CSMD1: variants seen among roughly 807,000 people sequenced by gnomAD.
CSMD1 encodes CUB and sushi domain-containing protein 1.
A neutral mutation model predicts 417.5 loss-of-function variants in CSMD1; 213 were observed. The observed-to-expected ratio is 0.51, with a 90% confidence interval of 0.46 to 0.57. The LOEUF (loss-of-function observed/expected upper bound fraction) is 0.57. Among genes scored for constraint, CSMD1 ranks in the 20% least tolerant of loss-of-function variants. The pLI, the probability that CSMD1 is intolerant of heterozygous loss-of-function variation, is 0.00. For missense variants in CSMD1, 6,923 were observed against 4,529.7 expected (o/e 1.53, Z -15.17); for synonymous variants, 2,862 against 1,736.8 (o/e 1.65, Z -16.11).
chr8:4,555,618 G>C (rs1425054193), intron 2 of CSMD1, among the ~76,000 whole-genome samples: 1 of 152,146 alleles, frequency 6.6e-6, no homozygotes, highest in Non-Finnish European at 1.5e-5. Context: ...TCTCTATGGA[G>C]TGTTTTAATT....
chr8:3,255,335 C>T (rs1485332835), intron 26 of CSMD1, among the ~76,000 whole-genome samples: 1 of 152,168 alleles, frequency 6.6e-6, no homozygotes, highest in Non-Finnish European at 1.5e-5. Flanking sequence ...CTTGAGGAGG[C>T]AGTCTGTCCA....
chr8:4,225,146 T>C (rs1348376269), intron 3 of CSMD1, among the ~76,000 whole-genome samples: 1 of 152,148 alleles, frequency 6.6e-6, no homozygotes. Flanking sequence ...ATTTTATTTG[T>C]TCATGTCAGG....
At chr8:3,589,346 A>T (rs1057149304) in intron 8 of CSMD1, among the ~76,000 whole-genome samples, 2 of 151,644 alleles carry the variant, frequency 1.3e-5, no homozygotes, top group African/African-American at 4.8e-5. Context: ...GCAGGGGTCC[A>T]ACACTGGACT....
At chr8:2,955,284 C>G (rs1016453364) in intron 64 of CSMD1, among the ~76,000 whole-genome samples, 1 of 152,196 alleles carries the variant, frequency 6.6e-6, no homozygotes, top group Non-Finnish European at 1.5e-5. Flanking sequence ...CCTTTTAACT[C>G]AGAATGCTTT....
intron 41 of CSMD1, among the ~76,000 whole-genome samples, chr8:3,121,973 C>T (rs1434460783): frequency 1.3e-5 from 2 of 152,032 alleles, no homozygotes; most frequent in African/African-American, 4.8e-5. Context: ...AGAGAATTAG[C>T]TGTATTTTAG....
chr8:4,206,768 A>G (rs1366543176), intron 3 of CSMD1, among the ~76,000 whole-genome samples: 1 of 152,162 alleles, frequency 6.6e-6, no homozygotes. Context: ...AAACCATATC[A>G]TTTCTTTAAA....
intron 10 of CSMD1, among the ~76,000 whole-genome samples, chr8:3,537,173 T>C (rs1001548388): frequency 2.6e-5 from 4 of 151,912 alleles, no homozygotes; most frequent in African/African-American, 7.3e-5. Flanking sequence ...CCAGCTAATT[T>C]GTTGTATTTT....
intron 2 of CSMD1, among the ~76,000 whole-genome samples, chr8:4,627,026 T>C (rs1802158952): frequency 1.3e-5 from 2 of 152,326 alleles, no homozygotes; most frequent in South Asian, 4.1e-4. Flanking sequence ...AGTAATATTA[T>C]ATTCCTTTTT....
At chr8:3,595,371 C>A (rs1038184792) in intron 8 of CSMD1, among the ~76,000 whole-genome samples, 1 of 152,200 alleles carries the variant, frequency 6.6e-6, no homozygotes. Flanking sequence ...TTGACTTTCA[C>A]ACATAATGTG....
intron 3 of CSMD1, among the ~76,000 whole-genome samples, chr8:4,120,675 G>A (rs1282995761): frequency 2.6e-5 from 4 of 152,222 alleles, no homozygotes; most frequent in Non-Finnish European, 4.4e-5. Flanking sequence ...GACTTTTAAA[G>A]AAGTAAGTTT....
At chr8:4,315,568 C>T (rs780761716) in intron 3 of CSMD1, among the ~76,000 whole-genome samples, 1 of 152,126 alleles carries the variant, frequency 6.6e-6, no homozygotes, top group African/African-American at 2.4e-5. Flanking sequence ...TTAAGGAGAA[C>T]CAATCTTCCA....
chr8:3,615,578 T>C (rs1451048108), intron 8 of CSMD1, among the ~76,000 whole-genome samples: 2 of 152,206 alleles, frequency 1.3e-5, no homozygotes, highest in South Asian at 2.1e-4. Flanking sequence ...TAAAACAATA[T>C]ACCATTTTAC....
chr8:3,349,730 A>G (rs1360414553), intron 21 of CSMD1, among the ~76,000 whole-genome samples: 1 of 147,540 alleles, frequency 6.8e-6, no homozygotes, highest in East Asian at 1.9e-4. Flanking sequence ...GTATATATCT[A>G]TAATATATAA....
At chr8:3,991,288 T>G (rs945457874) in intron 5 of CSMD1, among the ~76,000 whole-genome samples, 1 of 152,196 alleles carries the variant, frequency 6.6e-6, no homozygotes, top group African/African-American at 2.4e-5. Context: ...TTCGCATTAT[T>G]TGCCTATTGA....
In CSMD1 at chr8:3,746,673, A is replaced by G. The variant is rs139940287; in HGVS notation, c.931+7257T>C. Among the ~76,000 whole-genome samples the G allele has an allele frequency of 2.1e-3, 320 of 152,356 alleles. 1 individual carries two copies. The highest frequency in any genetic ancestry group is 7.1e-3 in the African/African-American group (296 of 41,586). On this transcript the variant is annotated intron_variant, in intron 6 of 69. Transcript: ENST00000635120. ...TTATTCTCTTGTTTCAACATTAGTA[A>G]GAAATTATCCCCAATATCTACTCAA...
At chr8:3,513,545 C>G (rs972476471) in intron 10 of CSMD1, among the ~76,000 whole-genome samples, 1 of 152,106 alleles carries the variant, frequency 6.6e-6, no homozygotes, top group Non-Finnish European at 1.5e-5. Flanking sequence ...ATACACCTAT[C>G]CTGTTAGTTC....
chr8:3,960,701 GAT>G lies in CSMD1; in HGVS notation c.818+37200_818+37201del, dbSNP rs772427995. On this transcript the variant is annotated intron_variant, in intron 5 of 69. Coordinates refer to ENST00000635120, the MANE Select transcript of CSMD1 (RefSeq NM_033225.6). ...CTTTTTATAAAGATAAATTTAATAA[GAT>G]ATATTTCTTTTTAAGGATAAATTTA... 2.4e-4 allele frequency among the ~76,000 whole-genome samples: 36 copies of G among 151,788 alleles called. No individual in the cohort carries two copies. The East Asian group carries it at 4.8e-3, about 20-fold the overall frequency.
chr8:4,383,421 T>C (rs1468107898), intron 3 of CSMD1, among the ~76,000 whole-genome samples: 1 of 152,208 alleles, frequency 6.6e-6, no homozygotes, highest in Non-Finnish European at 1.5e-5. Context: ...TCATTTCCGT[T>C]AAGTCCAGCC....
At chr8:4,632,499 CA>C (rs1444095791) in intron 2 of CSMD1, among the ~76,000 whole-genome samples, 3 of 151,952 alleles carry the variant, frequency 2.0e-5, no homozygotes, top group African/African-American at 4.8e-5. Context: ...GTGACAAGAG[CA>C]AAACTCCATC....
Sources: allele counts gnomAD v4.1 joint callset (sites outside exome capture counted in the v4.1 genomes callset), GRCh38; gene constraint gnomAD v4.1.1; transcripts MANE v1.5; gene names NCBI Gene and HGNC (gene_info 2026-07-23, HGNC 2026-07-21).